CELF2: variants seen among roughly 807,000 people sequenced by gnomAD.
CELF2 encodes the protein CUG triplet repeat RNA-binding protein 2.
CELF2 carries 8 observed loss-of-function variants against 62.6 expected under a neutral mutation model. The ratio of observed to expected loss-of-function variants is 0.13; its 90% CI spans 0.07 to 0.23. The LOEUF is 0.23. CELF2 is among the 10% of genes least tolerant of loss of function. The pLI is 1.00. For synonymous variants in CELF2, 258 were observed against 250.0 expected (o/e 1.03, Z -0.30); for missense variants, 333 against 671.0 (o/e 0.50, Z 5.56).
chr10:10,726,839 G>C, the CELF2 span, among the ~76,000 whole-genome samples: 1 of 152,218 alleles, frequency 6.6e-6, no homozygotes. Context: ...AAATGCCTGA[G>C]ACTGGTTCAT....
At chr10:11,062,575 G>T (rs1258617917) in intron 1 of CELF2, among the ~76,000 whole-genome samples, 3 of 152,136 alleles carry the variant, frequency 2.0e-5, no homozygotes, top group African/African-American at 4.8e-5. Context: ...AGATAGCAAA[G>T]AATTCGAATT....
chr10:10,775,058 A>C, the CELF2 span, among the ~76,000 whole-genome samples: 1 of 151,914 alleles, frequency 6.6e-6, no homozygotes, highest in African/African-American at 2.4e-5. Flanking sequence ...TTGTATTTTC[A>C]GTAGAGACAG....
At chr10:10,615,654 T>C in the CELF2 span, among the ~76,000 whole-genome samples, 53,531 of 151,830 alleles carry the variant, frequency 0.35, 10,691 homozygotes, top group South Asian at 0.63. Context: ...TGATAGTGAA[T>C]GAATTCTCAC....
intron 1 of CELF2, among the ~76,000 whole-genome samples, chr10:11,104,898 C>T (rs1595365023): frequency 6.6e-6 from 1 of 152,202 alleles, no homozygotes; most frequent in African/African-American, 2.4e-5. Context: ...ATGTGGCAGG[C>T]AGAGGTGACC....
At position 11,332,732 on chromosome 10, in the gene CELF2, C is replaced by T. The variant is rs1201225661; in HGVS notation, c.*3679C>T. The T allele has an allele frequency of 6.6e-6, 1 of 152,230 alleles. No homozygotes were observed. Among genetic ancestry groups the T allele is most frequent in the Non-Finnish European group, 1.5e-5 (1 of 68,100 alleles). The allele number at this position is 152,230 out of a possible 1,614,324, so 9.4% of individuals were successfully genotyped here. On this transcript the variant is annotated 3_prime_UTR_variant, in exon 13 of 13. Coordinates refer to ENST00000633077, the MANE Select transcript of CELF2 (RefSeq NM_001326342.2). ...TAGCCCTGGGATGGAAAGGACTAGCCTCTACTGATGCAAAAAAACAAAAAG... is the reference window on the plus strand; with the variant it reads ...TAGCCCTGGGATGGAAAGGACTAGCTTCTACTGATGCAAAAAAACAAAAAG...
the CELF2 span, among the ~76,000 whole-genome samples, chr10:10,728,473 A>G: frequency 0.017 from 2,560 of 148,172 alleles, 121 homozygotes; most frequent in East Asian, 0.15. Context: ...AAAAAAAAAA[A>G]AGAGAGAGAA....
chr10:10,516,251 A>T, the CELF2 span, among the ~76,000 whole-genome samples: 1 of 152,200 alleles, frequency 6.6e-6, no homozygotes, highest in Non-Finnish European at 1.5e-5. Flanking sequence ...AAACAAAACA[A>T]CCAGAAGATT....
upstream of CELF2, among the ~76,000 whole-genome samples, chr10:11,001,594 G>A (rs567711016): frequency 1.3e-5 from 2 of 152,236 alleles, no homozygotes; most frequent in Admixed American, 6.5e-5. Flanking sequence ...ATCTGAAAAG[G>A]CCAAGAAGCT....
chr10:10,964,110 G>A (rs2049858770), intron 2 of CELF2, among the ~76,000 whole-genome samples: 1 of 152,146 alleles, frequency 6.6e-6, no homozygotes, highest in Non-Finnish European at 1.5e-5. Context: ...GAAGAGCAGA[G>A]CACTATTAAG....
intron 1 of CELF2, among the ~76,000 whole-genome samples, chr10:10,915,634 T>C (rs1221676003): frequency 6.6e-6 from 1 of 152,086 alleles, no homozygotes; most frequent in East Asian, 1.9e-4. Flanking sequence ...GCAGTATTGC[T>C]ATGTGGCCTA....
chr10:10,709,056 T>C, the CELF2 span, among the ~76,000 whole-genome samples: 2 of 152,238 alleles, frequency 1.3e-5, no homozygotes, highest in Middle Eastern at 3.2e-3. Flanking sequence ...AATACTCATA[T>C]ATGGGAAGGA....
rs138123592 is a variant in CELF2 at position 11,168,491 on chromosome 10, T to A, written c.271+2809T>A. ...GATACCTATGCATGCCATTATTATTTTGCCTGTTTACATGTAAAATAAGAC... is the reference window on the plus strand; with the variant it reads ...GATACCTATGCATGCCATTATTATTATGCCTGTTTACATGTAAAATAAGAC... On this transcript the variant is annotated intron_variant, in intron 2 of 12. Coordinates refer to ENST00000633077, the MANE Select transcript of CELF2 (RefSeq NM_001326342.2). Among the ~76,000 whole-genome samples, 842 of 152,332 alleles carry A rather than the reference T, an allele frequency of 5.5e-3. 8 individuals carry two copies. Among genetic ancestry groups the A allele is most frequent in the African/African-American group, 0.019 (799 of 41,568 alleles).
Position 10,963,878 on chromosome 10 carries a change from C to G in CELF2, c.89+43879C>G, listed in dbSNP as rs1226223432. ...CCCATTCCCATTCTAGTATACGCAT[C>G]TATGTCCTCAATGGAGATGCCTCAG... On this transcript the variant is annotated intron_variant, in intron 2 of 13. Coordinates refer to the CELF2 transcript ENST00000636488. 2.6e-5 allele frequency among the ~76,000 whole-genome samples: 4 copies of G among 152,082 alleles called. No homozygotes were observed. In the East Asian group the frequency reaches 5.8e-4, roughly 22 times the overall value.
the CELF2 span, among the ~76,000 whole-genome samples, chr10:10,567,008 G>C: frequency 6.6e-6 from 1 of 152,184 alleles, no homozygotes; most frequent in Non-Finnish European, 1.5e-5. Flanking sequence ...ACATATTGAA[G>C]TATTGCTCAC....
chr10:10,657,581 C>T, the CELF2 span, among the ~76,000 whole-genome samples: 2 of 151,840 alleles, frequency 1.3e-5, no homozygotes, highest in Non-Finnish European at 2.9e-5. Flanking sequence ...TCCCACAACA[C>T]AATGTTGAAT....
Position 11,242,127 on chromosome 10 carries a change from C to T in CELF2, c.355-7026C>T, listed in dbSNP as rs2074102593. ...TCTCTACTTTTAAATATTTTATGGGCAGTAAGCTCACAATATGTGCTAGCA... is the reference window on the plus strand; with the variant it reads ...TCTCTACTTTTAAATATTTTATGGGTAGTAAGCTCACAATATGTGCTAGCA... On this transcript the variant is annotated intron_variant, in intron 3 of 12. Transcript: ENST00000633077. This position sits in a 1 kb window ranked among gnomAD's most constrained non-coding sequence, Gnocchi z 4.8. 6.6e-6 allele frequency among the ~76,000 whole-genome samples: 1 copy of T among 152,148 alleles called. No homozygotes were observed. The highest frequency in any genetic ancestry group is 1.5e-5 in the Non-Finnish European group (1 of 68,032).
At chr10:10,802,606 G>C (rs1399444227) in intron 1 of CELF2, among the ~76,000 whole-genome samples, 6 of 152,322 alleles carry the variant, frequency 3.9e-5, no homozygotes, top group Non-Finnish European at 2.9e-5. Context: ...CAGAATATCT[G>C]GTGTCTCCTT....
At chr10:10,749,186 C>T in the CELF2 span, among the ~76,000 whole-genome samples, 1 of 152,138 alleles carries the variant, frequency 6.6e-6, no homozygotes, top group African/African-American at 2.4e-5. Flanking sequence ...TTAATGTCTA[C>T]TATGTGTCAC....
chr10:10,686,878 C>G, the CELF2 span, among the ~76,000 whole-genome samples: 6 of 152,200 alleles, frequency 3.9e-5, no homozygotes, highest in Non-Finnish European at 1.5e-5. Flanking sequence ...ACTGGGATGA[C>G]TGGTCCCATG....
Sources: allele counts gnomAD v4.1 joint callset (sites outside exome capture counted in the v4.1 genomes callset), GRCh38; gene constraint gnomAD v4.1.1; non-coding constraint Gnocchi (gnomAD v3.1); transcripts MANE v1.5; gene names NCBI Gene and HGNC (gene_info 2026-07-23, HGNC 2026-07-21).